The following DDA1 variants were observed in gnomAD, a reference collection of about 807,000 sequenced individuals.
DDA1 encodes DET1 and DDB1 associated 1, also known as DET1- and DDB1-associated protein 1.
A neutral mutation model predicts 18.6 loss-of-function variants in DDA1; 3 were observed. The observed-to-expected ratio is 0.16, with a 90% CI of 0.07 to 0.42. The LOEUF (loss-of-function observed/expected upper bound fraction) is 0.42. DDA1 is among the 10% of genes least tolerant of loss of function. DDA1 has a pLI of 0.99. For synonymous variants in DDA1, 52 were observed against 54.0 expected, an observed-to-expected ratio of 0.96 and a Z score of 0.17; for missense variants, 105 against 138.2, an observed-to-expected ratio of 0.76 and a Z score of 1.20.
At chr19:17,315,429 C>CATATATATATATATATAT (rs56662339) in intron 3 of DDA1, among the ~76,000 whole-genome samples, 2,605 of 51,648 alleles carry the variant, frequency 0.05, 140 homozygotes, top group African/African-American at 0.068. Flanking sequence ...TGTGTGTGTG[C>CATATATATATATATATAT]ATATATATAT....
intron 3 of DDA1, among the ~76,000 whole-genome samples, chr19:17,315,192 C>T (rs1474331332): frequency 1.3e-4 from 3 of 22,940 alleles, no homozygotes; most frequent in Middle Eastern, 0.023. Context: ...TGTATACACA[C>T]ACGTGTATAC....
chr19:17,314,419 C>A lies in DDA1; in HGVS notation c.136+30C>A, dbSNP rs2074192970. The A allele has an allele frequency of 5.6e-6, 9 of 1,614,198 alleles. No individual in the cohort carries two copies. The highest frequency in any genetic ancestry group is 7.6e-6 in the Non-Finnish European group (9 of 1,180,008). On this transcript the variant is annotated intron_variant, in intron 3 of 4. Coordinates refer to ENST00000359866, the MANE Select transcript of DDA1 (RefSeq NM_024050.6). The surrounding 1 kb of genome is among the most constrained non-coding windows in gnomAD (Gnocchi z 4.6). ...GTGGCCGCTGTCAGTCTGTCCCATT[C>A]TGGCTGCTGAGGGGCGGGGTTTGGT...
chr19:17,319,479 G>A (rs1174779062), intron 4 of DDA1, 67 bp from the exon 5 acceptor site: 1 of 1,370,122 alleles, frequency 7.3e-7, no homozygotes, highest in Non-Finnish European at 1.0e-6. Flanking sequence ...AGGATTGCTT[G>A]AGCCCAGAAG....
Position 17,314,169 on chromosome 19 carries a change from TC to T in DDA1, c.84+71del. ...CCAGGGGGCCTGGGGGCAGCTTGTG[TC>T]CCCCGATTGGGGTCTTGGCTGGAAC... is the stretch of plus-strand genomic sequence containing the variant. On this transcript the variant is annotated intron_variant, in intron 2 of 4. Transcript: ENST00000359866. The surrounding 1 kb of genome is among the most constrained non-coding windows in gnomAD (Gnocchi z 4.6). 1.3e-6 allele frequency: 2 copies of T among 1,576,092 alleles called. No homozygotes were observed. Among genetic ancestry groups the T allele is most frequent in the Non-Finnish European group, 8.7e-7 (1 of 1,146,748 alleles).
Position 17,321,940 on chromosome 19 carries a change from G to C in DDA1, c.*2284G>C, listed in dbSNP as rs1281395790. On this transcript the variant is annotated 3_prime_UTR_variant, in exon 5 of 5. Transcript: ENST00000359866. Reference sequence around the variant, plus strand: ...GTGCCGGGTCCGGCTGAATGCCCTGGAGGCTCCCAGGCCAGCTGGGGAGTC... The same window carrying C: ...GTGCCGGGTCCGGCTGAATGCCCTGCAGGCTCCCAGGCCAGCTGGGGAGTC... 1 of 152,552 alleles carries C rather than the reference G, an allele frequency of 6.6e-6. No individual in the cohort carries two copies. Among genetic ancestry groups the C allele is most frequent in the Non-Finnish European group, 1.5e-5 (1 of 68,270 alleles). The allele number at this position is 152,552 out of a possible 1,614,324, so 9.4% of individuals were successfully genotyped here.
intron 1 of DDA1, among the ~76,000 whole-genome samples, chr19:17,313,259 G>A (rs1000760897): frequency 1.3e-4 from 19 of 151,694 alleles, no homozygotes; most frequent in Admixed American, 1.1e-3. Context: ...TCTCTGCCTC[G>A]GTGTCCTTGC....
Position 17,314,102 on chromosome 19 carries a change from C to T in DDA1, c.83C>T (p.Ser28Leu), listed in dbSNP as rs368357964. The T allele has an allele frequency of 2.5e-6, 4 of 1,613,848 alleles. No individual in the cohort carries two copies. Among genetic ancestry groups the T allele is most frequent in the African/African-American group, 1.3e-5 (1 of 74,914 alleles). Residue 28 changes from serine to leucine, a missense_variant and splice_region_variant, in exon 2 of 5, where the codon TCG becomes TTG. By Grantham distance (145) the Ser-to-Leu change is moderately radical. Coordinates refer to ENST00000359866, the MANE Select transcript of DDA1 (RefSeq NM_024050.6). The surrounding 1 kb of genome is among the most constrained non-coding windows in gnomAD (Gnocchi z 4.6). ...CACGCGGACTCCGTGTGCAAAGCCT[C>T]GGTGAGTGCGTGTTCCTGGGACTGG... Reference protein sequence around the residue: ...RFHADSVCKASNRRPSVYLPT... With the variant: ...RFHADSVCKALNRRPSVYLPT...
chr19:17,319,704 C>T lies in DDA1; in HGVS notation c.*48C>T. 3.9e-6 allele frequency: 6 copies of T among 1,519,114 alleles called. No individual in the cohort carries two copies. Among genetic ancestry groups the T allele is most frequent in the Non-Finnish European group, 5.3e-6 (6 of 1,121,800 alleles). 94.1% of individuals were successfully genotyped at this position (1,519,114 alleles called of 1,614,324 possible). On this transcript the variant is annotated 3_prime_UTR_variant, in exon 5 of 5. Transcript: ENST00000359866. The stretch of plus-strand genomic sequence containing the variant: ...TCCTGCCAGGTCTGCTCCTCGGTCG[C>T]CCACCCGCCTGCCCGCCATGTGTAA...
Position 17,314,474 on chromosome 19 carries a change from T to G in DDA1, c.136+85T>G. On this transcript the variant is annotated intron_variant, in intron 3 of 4. Transcript: ENST00000359866. This position sits in a 1 kb window ranked among gnomAD's most constrained non-coding sequence, Gnocchi z 4.6. ...GCAGCGTGGCACGCGGAGGTTATCT[T>G]CAACCCCGGCCCAGGCCATAGACTT... 1 of 1,566,148 alleles carries G rather than the reference T, an allele frequency of 6.4e-7. No homozygotes were observed. Among genetic ancestry groups the G allele is most frequent in the Non-Finnish European group, 8.8e-7 (1 of 1,138,370 alleles).
chr19:17,321,809 G>C lies in DDA1; in HGVS notation c.*2153G>C, dbSNP rs1246597761. On this transcript the variant is annotated 3_prime_UTR_variant, in exon 5 of 5. Transcript: ENST00000359866. ...CCAGGCACAGCACAGCCACCCTGCT[G>C]TACCTCCCAGCTCCCGGCAGTGTCT... 1 of 152,496 alleles carries C rather than the reference G, an allele frequency of 6.6e-6. No individual in the cohort carries two copies. The highest frequency in any genetic ancestry group is 1.5e-5 in the Non-Finnish European group (1 of 68,260). The allele number at this position is 152,496 out of a possible 1,614,324, so 9.4% of individuals were successfully genotyped here.
At chr19:17,310,558 G>A (rs896298526) in intron 1 of DDA1, among the ~76,000 whole-genome samples, 2 of 152,166 alleles carry the variant, frequency 1.3e-5, no homozygotes, top group African/African-American at 4.8e-5. Flanking sequence ...CCTGAGGGCT[G>A]GGAAGGGTGA....
At chr19:17,317,815 G>A (rs2074221168) in intron 4 of DDA1, among the ~76,000 whole-genome samples, 2 of 151,792 alleles carry the variant, frequency 1.3e-5, no homozygotes, top group African/African-American at 4.8e-5. Context: ...CTCCAGCCTG[G>A]GCAACAGAAC....
Position 17,314,737 on chromosome 19 carries a change from C to G in DDA1, c.136+348C>G. On this transcript the variant is annotated intron_variant, in intron 3 of 4. Coordinates refer to ENST00000359866, the MANE Select transcript of DDA1 (RefSeq NM_024050.6). The surrounding 1 kb of genome is among the most constrained non-coding windows in gnomAD (Gnocchi z 4.6). ...CAAGTTGTCCCTCATCTGCCACTCACTGGTCCTTTCCCCTCCCTGTCAGAT... is the reference window on the plus strand; with the variant it reads ...CAAGTTGTCCCTCATCTGCCACTCAGTGGTCCTTTCCCCTCCCTGTCAGAT... 1 of 342,704 alleles carries G rather than the reference C, an allele frequency of 2.9e-6. No homozygotes were observed. Among genetic ancestry groups the G allele is most frequent in the South Asian group, 2.9e-5 (1 of 34,600 alleles). 21.2% of individuals were successfully genotyped at this position (342,704 alleles called of 1,614,324 possible).
chr19:17,314,698 C>T lies in DDA1; in HGVS notation c.136+309C>T. On this transcript the variant is annotated intron_variant, in intron 3 of 4. Transcript: ENST00000359866. The surrounding 1 kb of genome is among the most constrained non-coding windows in gnomAD (Gnocchi z 4.6). ...GGGACACACTGGGATCCACAGCCAG[C>T]CCAAAGGGGCCCCCAAGTTGTCCCT... 2.4e-6 allele frequency: 1 copy of T among 417,234 alleles called. No individual in the cohort carries two copies. Among genetic ancestry groups the T allele is most frequent in the Middle Eastern group, 7.2e-4 (1 of 1,390 alleles). The allele number at this position is 417,234 out of a possible 1,614,324, so 25.8% of individuals were successfully genotyped here. A position where few individuals can be genotyped will look rare whatever the true frequency, so the allele number is the denominator to read the frequency against.
At position 17,314,459 on chromosome 19, in the gene DDA1, ACGCGGAG is replaced by A. The variant is rs1368551987; in HGVS notation, c.136+71_136+77del. On this transcript the variant is annotated intron_variant, in intron 3 of 4. Coordinates refer to ENST00000359866, the MANE Select transcript of DDA1 (RefSeq NM_024050.6). This position sits in a 1 kb window ranked among gnomAD's most constrained non-coding sequence, Gnocchi z 4.6. ...CGGGGTTTGGTGACTGCAGCGTGGC[ACGCGGAG>A]GTTATCTTCAACCCCGGCCCAGGCC... 3 of 1,595,498 alleles carry A rather than the reference ACGCGGAG, an allele frequency of 1.9e-6. No homozygotes were observed. The African/African-American group carries it at 4.0e-5, about 21-fold the overall frequency.
At position 17,314,123 on chromosome 19, in the gene DDA1, A is replaced by T. The variant is rs2288463; in HGVS notation, c.84+20A>T. On this transcript the variant is annotated intron_variant, in intron 2 of 4. Transcript: ENST00000359866. The surrounding 1 kb of genome is among the most constrained non-coding windows in gnomAD (Gnocchi z 4.6). ...GCCTCGGTGAGTGCGTGTTCCTGGG[A>T]CTGGGAGGAATTGGTCACTTCCAGG... 1 of 1,612,504 alleles carries T rather than the reference A, an allele frequency of 6.2e-7. No homozygotes were observed. The highest frequency in any genetic ancestry group is 8.5e-7 in the Non-Finnish European group (1 of 1,178,794).
At chr19:17,311,797 G>C (rs1488819964) in intron 1 of DDA1, among the ~76,000 whole-genome samples, 1 of 152,124 alleles carries the variant, frequency 6.6e-6, no homozygotes, top group East Asian at 1.9e-4. Flanking sequence ...TTGGGTCTCT[G>C]GCAGGCTACC....
chr19:17,314,559 G>A lies in DDA1; in HGVS notation c.136+170G>A, dbSNP rs2074193897. The A allele has an allele frequency of 8.3e-6, 7 of 841,496 alleles. No individual in the cohort carries two copies. Among genetic ancestry groups the A allele is most frequent in the South Asian group, 3.3e-5 (2 of 59,840 alleles). The allele number at this position is 841,496 out of a possible 1,614,324, so 52.1% of individuals were successfully genotyped here. Reference sequence around the variant, plus strand: ...TAAGTCAGGGAGGGCCTCCAGGGAGGTACAGGAGGGGGACCTTGGGGGCTT... The same window carrying A: ...TAAGTCAGGGAGGGCCTCCAGGGAGATACAGGAGGGGGACCTTGGGGGCTT... On this transcript the variant is annotated intron_variant, in intron 3 of 4. Transcript: ENST00000359866. This position sits in a 1 kb window ranked among gnomAD's most constrained non-coding sequence, Gnocchi z 4.6.
chr19:17,309,776 G>T (rs2074169944), intron 1 of DDA1, 119 bp downstream of exon 1: 11 of 1,322,942 alleles, frequency 8.3e-6, no homozygotes, highest in Non-Finnish European at 1.0e-6. Flanking sequence ...CTCAGGTCCG[G>T]CCCGCCCCTC....
Sources: allele counts gnomAD v4.1 joint callset (sites outside exome capture counted in the v4.1 genomes callset), GRCh38; gene constraint gnomAD v4.1.1; non-coding constraint Gnocchi (gnomAD v3.1); transcripts MANE v1.5; gene names NCBI Gene and HGNC (gene_info 2026-07-23, HGNC 2026-07-21).